The following ATCAY variants were observed in gnomAD, a reference collection of about 807,000 sequenced individuals.
The protein encoded by ATCAY is ATCAY kinesin light chain interacting caytaxin, also known as caytaxin.
ATCAY carries 22 observed loss-of-function variants against 47.7 expected under a neutral mutation model. That is an observed-to-expected ratio of 0.46 (90% CI 0.33 to 0.66). The LOEUF is 0.66. ATCAY is among the 30% of genes least tolerant of loss of function. ATCAY has a pLI of 0.02. For synonymous variants in ATCAY, 216 were observed against 207.6 expected (o/e 1.04, Z -0.35); for missense variants, 452 against 515.0 (o/e 0.88, Z 1.18).
intron 1 of ATCAY, among the ~76,000 whole-genome samples, chr19:3,881,869 C>A (rs887358012): frequency 9.2e-5 from 13 of 141,056 alleles, no homozygotes; most frequent in South Asian, 7.1e-4. Flanking sequence ...TGCCACCGCC[C>A]CCCCCCCGAC....
At position 3,908,299 on chromosome 19, in the gene ATCAY, C is replaced by T. The variant is rs200460398; in HGVS notation, c.576C>T (p.Ile192=). The change falls in exon 6 of 13, where the codon ATC becomes ATT. Residue 192 remains isoleucine (I), a synonymous_variant. Transcript: ENST00000450849. The part of the protein sequence containing the change: ...GYYGEGLNAI[I]VFAACFLPDS... ...ACGGCGAAGGCCTCAACGCCATCATCGTCTTCGCAGCCTGCTTCCTTCCAG... is the reference window on the plus strand; with the variant it reads ...ACGGCGAAGGCCTCAACGCCATCATTGTCTTCGCAGCCTGCTTCCTTCCAG... 64 of 1,586,284 alleles carry T rather than the reference C, an allele frequency of 4.0e-5. No individual in the cohort carries two copies. Among genetic ancestry groups the T allele is most frequent in the Admixed American group, 5.4e-5 (3 of 55,992 alleles).
At chr19:3,914,757 G>C (rs2038952449) in intron 9 of ATCAY, among the ~76,000 whole-genome samples, 1 of 151,356 alleles carries the variant, frequency 6.6e-6, no homozygotes, top group Non-Finnish European at 1.5e-5. Flanking sequence ...GGAGGCAGAG[G>C]TTGTGGTGAG....
intron 2 of ATCAY, 88 bp downstream of exon 2, chr19:3,885,932 A>C (rs1270733400): frequency 6.6e-6 from 9 of 1,355,994 alleles, no homozygotes; most frequent in Non-Finnish European, 9.3e-6. Flanking sequence ...TCTCTCTCTA[A>C]GTGGGAACCG....
intron 8 of ATCAY, 143 bp downstream of exon 8, chr19:3,911,032 G>A: frequency 1.1e-6 from 1 of 909,690 alleles, no homozygotes; most frequent in South Asian, 1.5e-5. Context: ...TGTGTTTGAT[G>A]TGCATGTTCC....
intron 2 of ATCAY, chr19:3,895,327 G>T (rs2038759645): frequency 2.3e-6 from 1 of 425,948 alleles, no homozygotes; most frequent in Admixed American, 2.5e-5. Context: ...CCATTCTCTT[G>T]CCTCAGCCTC....
chr19:3,920,722 C>A, intron 11 of ATCAY, 44 bp from the exon 12 acceptor site: 1 of 1,528,842 alleles, frequency 6.5e-7, no homozygotes, highest in Admixed American at 1.9e-5. Flanking sequence ...CCCAGGCTCC[C>A]AAAAATAAGC....
rs1012446249 is a variant in ATCAY, at chr19:3,925,447, G to C, written c.*855G>C. The C allele has an allele frequency of 2.6e-5, 4 of 152,230 alleles. No individual in the cohort carries two copies. The highest frequency in any genetic ancestry group is 7.2e-5 in the African/African-American group (3 of 41,458). The allele number at this position is 152,230 out of a possible 1,614,324, so 9.4% of individuals were successfully genotyped here. A position where few individuals can be genotyped will look rare whatever the true frequency, so the allele number is the denominator to read the frequency against. On this transcript the variant is annotated 3_prime_UTR_variant, in exon 13 of 13. Coordinates refer to ENST00000450849, the MANE Select transcript of ATCAY (RefSeq NM_033064.5). The surrounding 1 kb of genome is among the most constrained non-coding windows in gnomAD (Gnocchi z 4.4). ...GCTGTTCCGGGTTGGAACAGCAGAG[G>C]CTCAGAAACTGGCTCTGAAATAGGC...
At chr19:3,887,625 T>C (rs897283894) in intron 2 of ATCAY, among the ~76,000 whole-genome samples, 89 of 151,036 alleles carry the variant, frequency 5.9e-4, no homozygotes, top group Non-Finnish European at 8.9e-4. Context: ...TAGCTGGGAC[T>C]ACGGGCACCC....
intron 2 of ATCAY, among the ~76,000 whole-genome samples, chr19:3,898,843 A>T (rs1427139176): frequency 6.6e-6 from 1 of 152,050 alleles, no homozygotes; most frequent in African/African-American, 2.4e-5. Flanking sequence ...CACCATGTCC[A>T]GCTAATTTTT....
chr19:3,885,109 T>TAAAAA (rs34258948), intron 1 of ATCAY, among the ~76,000 whole-genome samples: 11 of 70,302 alleles, frequency 1.6e-4, no homozygotes, highest in African/African-American at 2.2e-4. Context: ...TTTTTTTTTT[T>TAAAAA]AAAAAAAAAA....
chr19:3,907,640 C>A lies in ATCAY; in HGVS notation c.359-94C>A. The A allele has an allele frequency of 6.8e-7, 1 of 1,464,082 alleles. No homozygotes were observed. The highest frequency in any genetic ancestry group is 1.2e-5 in the South Asian group (1 of 82,480). 90.7% of individuals were successfully genotyped at this position (1,464,082 alleles called of 1,614,324 possible). A position where few individuals can be genotyped will look rare whatever the true frequency, so the allele number is the denominator to read the frequency against. On this transcript the variant is annotated intron_variant, in intron 4 of 12. Coordinates refer to ENST00000450849, the MANE Select transcript of ATCAY (RefSeq NM_033064.5). The surrounding 1 kb of genome is among the most constrained non-coding windows in gnomAD (Gnocchi z 5.1). ...GCGAAGGACTTGTGGGTCCCGGCAG[C>A]GAGGGAGGTGGGAGAGGGGAAGGAA...
chr19:3,890,268 T>A (rs1252881121), intron 2 of ATCAY, among the ~76,000 whole-genome samples: 3 of 133,400 alleles, frequency 2.2e-5, no homozygotes, highest in Non-Finnish European at 4.8e-5. Context: ...TTTTTTTTTT[T>A]TTTTTTTTTT....
intron 12 of ATCAY, among the ~76,000 whole-genome samples, chr19:3,922,747 T>A (rs1453955039): frequency 1.3e-5 from 2 of 152,064 alleles, no homozygotes; most frequent in Admixed American, 1.3e-4. Context: ...TTGTTTTTGT[T>A]GTTGTTGTTG....
intron 12 of ATCAY, 86 bp downstream of exon 12, chr19:3,920,884 A>C (rs1312124408): frequency 1.7e-5 from 25 of 1,502,016 alleles, no homozygotes; most frequent in Non-Finnish European, 2.2e-5. Flanking sequence ...AGAAGGACAG[A>C]AAATCAAACC....
intron 2 of ATCAY, among the ~76,000 whole-genome samples, chr19:3,893,131 G>A (rs1215545760): frequency 1.3e-5 from 2 of 151,216 alleles, no homozygotes; most frequent in Non-Finnish European, 2.9e-5. Flanking sequence ...TCAGCAGGAC[G>A]AAGCCACGCT....
intron 2 of ATCAY, among the ~76,000 whole-genome samples, chr19:3,897,196 C>T (rs901431617): frequency 3.3e-5 from 5 of 151,766 alleles, no homozygotes; most frequent in African/African-American, 7.3e-5. Flanking sequence ...AATTTTGCAG[C>T]GCTGGTTTGG....
At chr19:3,886,665 A>G (rs2038659375) in intron 2 of ATCAY, among the ~76,000 whole-genome samples, 1 of 150,198 alleles carries the variant, frequency 6.7e-6, no homozygotes, top group Admixed American at 6.7e-5. Context: ...CTGAGGCACC[A>G]TGGTGATTTA....
chr19:3,898,942 A>G (rs2038791432), intron 2 of ATCAY, among the ~76,000 whole-genome samples: 1 of 152,176 alleles, frequency 6.6e-6, no homozygotes, highest in African/African-American at 2.4e-5. Flanking sequence ...GGCCTCCCAA[A>G]GTGCCAGGAT....
chr19:3,887,509 C>T (rs1276037894), intron 2 of ATCAY, among the ~76,000 whole-genome samples: 1 of 150,248 alleles, frequency 6.7e-6, no homozygotes, highest in Non-Finnish European at 1.5e-5. Flanking sequence ...ATTTTTGAGA[C>T]AGAGTGTCGC....
Sources: allele counts gnomAD v4.1 joint callset (sites outside exome capture counted in the v4.1 genomes callset), GRCh38; gene constraint gnomAD v4.1.1; non-coding constraint Gnocchi (gnomAD v3.1); transcripts MANE v1.5; gene names NCBI Gene and HGNC (gene_info 2026-07-23, HGNC 2026-07-21).